Variants in MDN1 observed in about 807,000 individuals in gnomAD.
MDN1 encodes midasin.
MDN1 carries 266 observed loss-of-function variants against 669.2 expected under a neutral mutation model. The observed-to-expected ratio is 0.40, with a 90% CI of 0.36 to 0.44. The LOEUF (loss-of-function observed/expected upper bound fraction) is 0.44, where lower values mean the gene tolerates loss of function less well. MDN1 is among the 20% of genes least tolerant of loss of function. MDN1 has a pLI of 1.00. For synonymous variants in MDN1, 2,385 were observed against 2,457.1 expected, an observed-to-expected ratio of 0.97 and a Z score of 0.87; for missense variants, 5,940 against 6,754.0, an observed-to-expected ratio of 0.88 and a Z score of 4.22.
chr6:89,689,293 GTCAGAAAC>G (rs1199709753), intron 65 of MDN1, among the ~76,000 whole-genome samples: 1 of 152,226 alleles, frequency 6.6e-6, no homozygotes, highest in Non-Finnish European at 1.5e-5. Context: ...TGCAGAGGAA[GTCAGAAAC>G]TGCCTAGGTA....
Position 89,683,158 on chromosome 6 carries a change from G to C in MDN1, c.12076C>G (p.Leu4026Val). 1 of 1,614,124 alleles carries C rather than the reference G, an allele frequency of 6.2e-7. No homozygotes were observed. Among genetic ancestry groups the C allele is most frequent in the Middle Eastern group, 1.7e-4 (1 of 6,060 alleles). ...TGCCCAGCTGCTGGTTGGGCTAACA[G>C]GGTCTCCCTCAGTGCCCTGTTCAGA... is the stretch of plus-strand genomic sequence containing the variant. ...QNLNRALRET[L>V]LAQPAAGQAT... Residue 4026 changes from leucine (L) to valine (V), a missense_variant, in exon 73 of 102, where the codon CTG (leucine) becomes GTG (valine). Physicochemically the swap from Leu to Val is conservative, Grantham distance 32 (BLOSUM62 1). Around this residue, in one of 5 missense-constraint regions of MDN1, gnomAD observed 2,280 missense variants for 2,576.3 expected, o/e 0.88. Transcript: ENST00000369393.
At chr6:89,738,288 A>C in intron 33 of MDN1, 38 bp downstream of exon 33, 2 of 1,607,986 alleles carry the variant, frequency 1.2e-6, no homozygotes, top group Non-Finnish European at 1.7e-6. Flanking sequence ...AAACCCTTCT[A>C]TGACCCAATA....
At chr6:89,781,709 A>G in intron 9 of MDN1, 117 bp from the exon 10 acceptor site, 1 of 844,036 alleles carries the variant, frequency 1.2e-6, no homozygotes, top group Non-Finnish European at 1.8e-6. Flanking sequence ...AAATTTGTTC[A>G]CTGGGGGACG....
At chr6:89,818,807 CAAA>C (rs547839111) in intron 1 of MDN1, among the ~76,000 whole-genome samples, 2 of 99,674 alleles carry the variant, frequency 2.0e-5, no homozygotes, top group Non-Finnish European at 4.3e-5. Context: ...GACTCCGTCT[CAAA>C]AAAAAAAAAA....
intron 9 of MDN1, among the ~76,000 whole-genome samples, chr6:89,783,841 G>C (rs1283295598): frequency 5.3e-5 from 8 of 152,106 alleles, no homozygotes; most frequent in Non-Finnish European, 7.4e-5. Flanking sequence ...TATTGGGGGT[G>C]GGTTACCCCA....
At position 89,747,382 on chromosome 6, in the gene MDN1, A is replaced by C; in HGVS notation, c.3851T>G (p.Leu1284Trp). 1 of 1,614,196 alleles carries C rather than the reference A, an allele frequency of 6.2e-7. No homozygotes were observed. The highest frequency in any genetic ancestry group is 1.1e-5 in the South Asian group (1 of 91,082). The change falls in exon 27 of 102, where the codon TTG becomes TGG. Residue 1284 changes from leucine to tryptophan, a missense_variant. Leu to Trp is a moderately conservative substitution (Grantham distance 61, BLOSUM62 -2). This residue lies in a region of MDN1 where 2,292 missense variants were observed against 2,638.3 expected (regional missense o/e 0.87). Coordinates refer to ENST00000369393, the MANE Select transcript of MDN1 (RefSeq NM_014611.3). Reference sequence around the variant, plus strand: ...ATACTCCTTCTCGGTCGGCTCAGCCAATCTGTATCTTTCAGCCCATCGGAA... The same window carrying C: ...ATACTCCTTCTCGGTCGGCTCAGCCCATCTGTATCTTTCAGCCCATCGGAA... ...DLFRWAERYR[L>W]AEPTEKEYDW...
chr6:89,643,359 A>G lies in MDN1; in HGVS notation c.*646T>C, dbSNP rs1288192909. 6.6e-6 allele frequency: 1 copy of G among 152,214 alleles called. No individual in the cohort carries two copies. 9.4% of individuals were successfully genotyped at this position (152,214 alleles called of 1,614,324 possible). A position where few individuals can be genotyped will look rare whatever the true frequency, so the allele number is the denominator to read the frequency against. ...GTGTGAAAGAGGATACTGAAAAGCC[A>G]CTTCATTTTTACACAGCCCAAGGAT... On this transcript the variant is annotated 3_prime_UTR_variant, in exon 102 of 102. Coordinates refer to ENST00000369393, the MANE Select transcript of MDN1 (RefSeq NM_014611.3).
intron 15 of MDN1, among the ~76,000 whole-genome samples, chr6:89,763,348 A>C (rs115264240): frequency 3.6e-5 from 5 of 140,062 alleles, no homozygotes; most frequent in African/African-American, 8.0e-5. Flanking sequence ...AAAAAAAAAA[A>C]AAAAAAAAAT....
chr6:89,813,061 C>T (rs1340587652), intron 1 of MDN1, among the ~76,000 whole-genome samples: 1 of 152,252 alleles, frequency 6.6e-6, no homozygotes, highest in East Asian at 1.9e-4. Context: ...CTGCCTCAGC[C>T]TCCCCAGTAG....
chr6:89,746,273 T>C (rs892431653), intron 27 of MDN1, among the ~76,000 whole-genome samples: 1 of 152,210 alleles, frequency 6.6e-6, no homozygotes, highest in Non-Finnish European at 1.5e-5. Flanking sequence ...GAAAATGCTT[T>C]ACTGTTTGTT....
In MDN1 at chr6:89,747,464, G is replaced by A. The variant is rs771358091; in HGVS notation, c.3769C>T (p.Arg1257Cys). The change falls in exon 27 of 102, where the codon CGC becomes TGC. Residue 1257 changes from arginine (R) to cysteine (C), a missense_variant. Physicochemically the swap from Arg to Cys is radical, Grantham distance 180. Transcript: ENST00000369393. ...VKVMLDLQSYRRSSSVFAGKQ... is the reference protein window; with the variant it reads ...VKVMLDLQSYCRSSSVFAGKQ... ...CCAGCAAACACTGAAGAACTTCTGC[G>A]ATAGGACTGTTGAAGTATCAAAACA... is the stretch of plus-strand genomic sequence containing the variant. 9 of 1,613,316 alleles carry A rather than the reference G, an allele frequency of 5.6e-6. No homozygotes were observed. The highest frequency in any genetic ancestry group is 2.7e-5 in the African/African-American group (2 of 74,888).
chr6:89,684,608 G>A (rs529716005), intron 71 of MDN1, among the ~76,000 whole-genome samples: 5 of 152,190 alleles, frequency 3.3e-5, no homozygotes, highest in Admixed American at 1.3e-4. Flanking sequence ...GACAGGCCTG[G>A]GCAAGACCAG....
chr6:89,753,984 C>G (rs960811241), intron 21 of MDN1, 99 bp downstream of exon 21: 100 of 1,313,690 alleles, frequency 7.6e-5, no homozygotes, highest in Non-Finnish European at 9.5e-5. Context: ...ATCTGACTAA[C>G]TGGAAAGCAC....
chr6:89,702,069 C>G lies in MDN1; in HGVS notation c.8149-8G>C, dbSNP rs1426286696. 1 of 1,583,110 alleles carries G rather than the reference C, an allele frequency of 6.3e-7. No homozygotes were observed. The highest frequency in any genetic ancestry group is 1.2e-5 in the South Asian group (1 of 85,720). Reference sequence around the variant, plus strand: ...CCGCAGAGAACCTAAGATCTAAAAACAAAGTCTCTTAGATAAGATGGCATG... The same window carrying G: ...CCGCAGAGAACCTAAGATCTAAAAAGAAAGTCTCTTAGATAAGATGGCATG... On this transcript the variant is annotated splice_polypyrimidine_tract_variant and splice_region_variant and intron_variant, in intron 53 of 101. Coordinates refer to ENST00000369393, the MANE Select transcript of MDN1 (RefSeq NM_014611.3).
Position 89,706,066 on chromosome 6 carries a change from G to A in MDN1, c.8141C>T (p.Ala2714Val), listed in dbSNP as rs151016905. 3.2e-5 allele frequency: 52 copies of A among 1,602,172 alleles called. 1 individual carries two copies. In the Middle Eastern group the frequency reaches 6.6e-4, roughly 20 times the overall value. Reference sequence around the variant, plus strand: ...CAAGATGCAGTTCCTTACCTCATTGGCACTGGCATCAGACACCATTCCCTG... The same window carrying A: ...CAAGATGCAGTTCCTTACCTCATTGACACTGGCATCAGACACCATTCCCTG... Reference protein sequence around the residue: ...SSQGMVSDASANEILGSLRWR... With the variant: ...SSQGMVSDASVNEILGSLRWR... Residue 2714 changes from alanine to valine, a missense_variant, in exon 53 of 102, where the codon GCC becomes GTC. Physicochemically the swap from Ala to Val is moderately conservative, Grantham distance 64. This residue lies in a region of MDN1 where 2,292 missense variants were observed against 2,638.3 expected (regional missense o/e 0.87). Transcript: ENST00000369393.
At chr6:89,704,930 T>A (rs1562116473) in intron 53 of MDN1, among the ~76,000 whole-genome samples, 1 of 152,222 alleles carries the variant, frequency 6.6e-6, no homozygotes, top group Non-Finnish European at 1.5e-5. Flanking sequence ...TGCTCAGATT[T>A]TCCATTGCAA....
intron 11 of MDN1, among the ~76,000 whole-genome samples, 190 bp downstream of exon 11, chr6:89,780,022 C>T (rs566377990): frequency 7.5e-4 from 113 of 151,466 alleles, no homozygotes; most frequent in Non-Finnish European, 1.3e-3. Flanking sequence ...CCTGAGATCA[C>T]GCCACTGCAC....
At chr6:89,684,597 A>T (rs942726780) in intron 71 of MDN1, among the ~76,000 whole-genome samples, 2 of 152,102 alleles carry the variant, frequency 1.3e-5, no homozygotes, top group African/African-American at 4.8e-5. Flanking sequence ...CTGAGGTGGG[A>T]GACAGGCCTG....
rs1009262376 is a variant in MDN1, at chr6:89,719,177, T to C, written c.6016A>G (p.Met2006Val). ...DVFGSNSNPY[M>V]GTRLFRITPY... The stretch of plus-strand genomic sequence containing the variant: ...GTGATACGAAATAGTCTGGTTCCCA[T>C]GTATGGGTTGGAATTTGAACCAAAC... Residue 2006 changes from methionine (M) to valine (V), a missense_variant, in exon 41 of 102, where the codon ATG (methionine) becomes GTG (valine). Coordinates refer to ENST00000369393, the MANE Select transcript of MDN1 (RefSeq NM_014611.3). The C allele has an allele frequency of 2.5e-6, 4 of 1,614,016 alleles. No individual in the cohort carries two copies. Among genetic ancestry groups the C allele is most frequent in the South Asian group, 1.1e-5 (1 of 91,082 alleles).
Sources: allele counts gnomAD v4.1 joint callset (sites outside exome capture counted in the v4.1 genomes callset), GRCh38; gene constraint gnomAD v4.1.1; regional missense constraint gnomAD v4.1.1; transcripts MANE v1.5; gene names NCBI Gene and HGNC (gene_info 2026-07-23, HGNC 2026-07-21).